Variants in PSMB7 observed in about 807,000 individuals in gnomAD.
The protein encoded by PSMB7 is proteasome subunit beta type-7.
PSMB7 carries 5 observed loss-of-function variants against 28.1 expected under a neutral mutation model. The ratio of observed to expected loss-of-function variants is 0.18; its 90% confidence interval spans 0.09 to 0.37. PSMB7 has a LOEUF of 0.37. Among genes scored for constraint, PSMB7 ranks in the 10% least tolerant of loss-of-function variants. PSMB7 has a pLI of 1.00. For missense variants in PSMB7, 275 were observed against 346.2 expected, an observed-to-expected ratio of 0.79 and a Z score of 1.63; for synonymous variants, 122 against 123.7, an observed-to-expected ratio of 0.99 and a Z score of 0.09.
intron 6 of PSMB7, among the ~76,000 whole-genome samples, chr9:124,375,828 ACTGT>A (rs1472047260): frequency 6.6e-6 from 1 of 152,122 alleles, no homozygotes; most frequent in African/African-American, 2.4e-5. Context: ...CTTGATCTCC[ACTGT>A]CTGCTGTGTG....
chr9:124,375,806 C>T (rs995741228), intron 6 of PSMB7, among the ~76,000 whole-genome samples: 1 of 152,180 alleles, frequency 6.6e-6, no homozygotes. Flanking sequence ...CGGCTAAACA[C>T]GGATAGTCTT....
intron 6 of PSMB7, among the ~76,000 whole-genome samples, chr9:124,383,146 C>T (rs1204973465): frequency 1.3e-5 from 2 of 152,092 alleles, no homozygotes; most frequent in African/African-American, 4.8e-5. Context: ...AAGTGACCTA[C>T]TATTAATATA....
At chr9:124,363,126 C>T (rs140964745) in intron 6 of PSMB7, among the ~76,000 whole-genome samples, 25 of 152,166 alleles carry the variant, frequency 1.6e-4, no homozygotes, top group Admixed American at 4.6e-4. Context: ...AAAAACGAAA[C>T]GTTCACTTCA....
At chr9:124,360,830 A>C (rs1484481635) in intron 6 of PSMB7, among the ~76,000 whole-genome samples, 3 of 152,260 alleles carry the variant, frequency 2.0e-5, no homozygotes, top group Non-Finnish European at 4.4e-5. Context: ...TAATAAATCC[A>C]ACTTCATAAG....
At chr9:124,400,106 AC>A (rs1365533348) in intron 5 of PSMB7, among the ~76,000 whole-genome samples, 5 of 150,908 alleles carry the variant, frequency 3.3e-5, no homozygotes, top group Non-Finnish European at 7.4e-5. Flanking sequence ...CCCTTGCCCC[AC>A]CCCCACTCAC....
At chr9:124,413,797 G>A (rs1224878471) in intron 3 of PSMB7, 111 bp downstream of exon 3, 5 of 692,216 alleles carry the variant, frequency 7.2e-6, no homozygotes, top group South Asian at 3.7e-5. Context: ...ATTTAAGGGA[G>A]ACAGAAAATA....
At chr9:124,367,324 A>G (rs1830517795) in intron 6 of PSMB7, among the ~76,000 whole-genome samples, 1 of 152,070 alleles carries the variant, frequency 6.6e-6, no homozygotes, top group Admixed American at 6.6e-5. Context: ...CTTGGCAATT[A>G]TTTTTCTGGT....
intron 5 of PSMB7, among the ~76,000 whole-genome samples, chr9:124,393,625 A>C (rs1830812128): frequency 6.6e-6 from 1 of 152,258 alleles, no homozygotes; most frequent in South Asian, 2.1e-4. Flanking sequence ...ATAGTCAAAG[A>C]GGAGTTACAT....
chr9:124,404,750 G>C (rs1447588080), intron 5 of PSMB7, among the ~76,000 whole-genome samples: 1 of 152,138 alleles, frequency 6.6e-6, no homozygotes, highest in Non-Finnish European at 1.5e-5. Context: ...CTACTTGGGA[G>C]GCTGAGGCAG....
At chr9:124,381,468 T>G (rs1218576827) in intron 6 of PSMB7, among the ~76,000 whole-genome samples, 1 of 152,188 alleles carries the variant, frequency 6.6e-6, no homozygotes, top group African/African-American at 2.4e-5. Flanking sequence ...ATTCGAGGTG[T>G]GAAAGGCAGC....
At chr9:124,397,952 G>C (rs1385285441) in intron 5 of PSMB7, among the ~76,000 whole-genome samples, 1 of 152,160 alleles carries the variant, frequency 6.6e-6, no homozygotes, top group Non-Finnish European at 1.5e-5. Flanking sequence ...TGGATCACTT[G>C]AGATCAGGAG....
chr9:124,381,425 G>C (rs1316709784), intron 6 of PSMB7, among the ~76,000 whole-genome samples: 3 of 152,182 alleles, frequency 2.0e-5, no homozygotes, highest in African/African-American at 7.2e-5. Flanking sequence ...GCAATTCTCT[G>C]TGAGTGAGTG....
intron 6 of PSMB7, among the ~76,000 whole-genome samples, chr9:124,377,852 G>C (rs1830628768): frequency 6.6e-6 from 1 of 152,188 alleles, no homozygotes; most frequent in Admixed American, 6.5e-5. Flanking sequence ...ACCAGAGAAA[G>C]GACCATCACA....
intron 5 of PSMB7, chr9:124,398,337 GAAGA>G (rs1830862581): frequency 5.5e-6 from 1 of 182,620 alleles, no homozygotes; most frequent in African/African-American, 2.4e-5. Context: ...CTCAGATTAG[GAAGA>G]AAGCCAGCCC....
At chr9:124,374,913 G>A (rs35291541) in intron 6 of PSMB7, among the ~76,000 whole-genome samples, 2,518 of 152,112 alleles carry the variant, frequency 0.017, 30 homozygotes, top group Non-Finnish European at 0.025. Context: ...AGGCTGAGGC[G>A]GCAGATCACC....
chr9:124,412,002 T>G (rs1168683013), intron 4 of PSMB7, among the ~76,000 whole-genome samples: 1 of 152,122 alleles, frequency 6.6e-6, no homozygotes, highest in African/African-American at 2.4e-5. Context: ...TCATTTGGGT[T>G]TGTGTTTATG....
intron 4 of PSMB7, among the ~76,000 whole-genome samples, chr9:124,409,575 C>T (rs1831005010): frequency 6.6e-6 from 1 of 152,098 alleles, no homozygotes; most frequent in South Asian, 2.1e-4. Context: ...AGGAAATGGG[C>T]TGTTCAGAAA....
chr9:124,396,257 G>C (rs1385195154), intron 5 of PSMB7, among the ~76,000 whole-genome samples: 1 of 152,070 alleles, frequency 6.6e-6, no homozygotes, highest in African/African-American at 2.4e-5. Context: ...TCTATACAAA[G>C]GTTGTACTTG....
chr9:124,386,552 A>G (rs1178989932), intron 5 of PSMB7, among the ~76,000 whole-genome samples: 4 of 152,366 alleles, frequency 2.6e-5, no homozygotes, highest in Admixed American at 1.3e-4. Context: ...ACTCCCAGAT[A>G]TAGACCAATC....
Sources: gnomAD v4.1 joint callset for allele counts (sites outside exome capture counted in the v4.1 genomes callset) on GRCh38, gnomAD v4.1.1 for gene constraint, MANE v1.5 for transcripts, NCBI Gene and HGNC (gene_info 2026-07-23, HGNC 2026-07-21) for gene names.